The following CHST11 variants were observed in gnomAD, a reference collection of about 807,000 sequenced individuals.
The protein encoded by CHST11 is carbohydrate sulfotransferase 11.
In CHST11, 9 loss-of-function variants were observed where a neutral mutation model predicts 30.4. The observed-to-expected ratio is 0.30, with a 90% CI of 0.18 to 0.52. CHST11 has a LOEUF of 0.52. CHST11 is among the 20% of genes least tolerant of loss of function. The probability of loss-of-function intolerance (pLI) is 0.97; values close to 1 mark genes in which losing one functional copy is unlikely to be tolerated. For missense variants in CHST11, 348 were observed against 460.6 expected (o/e 0.76, Z 2.24); for synonymous variants, 152 against 187.8 (o/e 0.81, Z 1.56).
chr12:104,722,766 G>A (rs1040483688), intron 2 of CHST11, among the ~76,000 whole-genome samples: 2 of 152,054 alleles, frequency 1.3e-5, no homozygotes, highest in Non-Finnish European at 2.9e-5. Context: ...TGATACCTGG[G>A]GGGAGGTGAG....
chr12:104,668,761 G>C (rs987999438), intron 2 of CHST11, among the ~76,000 whole-genome samples: 8 of 152,190 alleles, frequency 5.3e-5, no homozygotes, highest in African/African-American at 1.9e-4. Context: ...CCAGACTCTT[G>C]CTATTTGGAG....
chr12:104,649,351 A>T (rs1364073706), intron 2 of CHST11, among the ~76,000 whole-genome samples: 1 of 152,208 alleles, frequency 6.6e-6, no homozygotes, highest in Non-Finnish European at 1.5e-5. Context: ...TGTACAGGGC[A>T]TTGTATTACA....
intron 1 of CHST11, among the ~76,000 whole-genome samples, chr12:104,535,062 A>G (rs1447247216): frequency 6.6e-6 from 1 of 152,254 alleles, no homozygotes; most frequent in Non-Finnish European, 1.5e-5. Context: ...ATATGGGGTT[A>G]TAAAATCACT....
At chr12:104,725,002 G>T (rs1280303592) in intron 2 of CHST11, among the ~76,000 whole-genome samples, 1 of 152,118 alleles carries the variant, frequency 6.6e-6, no homozygotes, top group Non-Finnish European at 1.5e-5. Context: ...AGTGTGTCTT[G>T]GTGCTTTAGG....
chr12:104,518,585 G>A (rs747520315), intron 1 of CHST11, among the ~76,000 whole-genome samples: 4 of 152,102 alleles, frequency 2.6e-5, no homozygotes, highest in Non-Finnish European at 5.9e-5. Flanking sequence ...ACTTTCCCTC[G>A]CCCTGCATAT....
At chr12:104,610,880 TA>T (rs1449305584) in intron 2 of CHST11, among the ~76,000 whole-genome samples, 1 of 152,228 alleles carries the variant, frequency 6.6e-6, no homozygotes, top group African/African-American at 2.4e-5. Flanking sequence ...ACCTTGTTTA[TA>T]AAACAGGAAT....
chr12:104,743,884 T>C (rs948897575), intron 2 of CHST11, among the ~76,000 whole-genome samples: 1 of 152,196 alleles, frequency 6.6e-6, no homozygotes. Context: ...TCTGCATTCG[T>C]TTGCTAAGGA....
intron 2 of CHST11, among the ~76,000 whole-genome samples, chr12:104,705,288 G>A (rs903250): frequency 0.66 from 100,958 of 152,024 alleles, 35,268 homozygotes; most frequent in African/African-American, 0.88. Context: ...CAAATTCATC[G>A]CTGATTCCCT....
chr12:104,466,622 A>G (rs2037462407), intron 1 of CHST11, among the ~76,000 whole-genome samples: 1 of 152,252 alleles, frequency 6.6e-6, no homozygotes, highest in Non-Finnish European at 1.5e-5. Flanking sequence ...CCTGGGAAAT[A>G]CAGCTTTTCA....
chr12:104,586,187 C>T (rs1160818616), intron 1 of CHST11, among the ~76,000 whole-genome samples: 2 of 152,148 alleles, frequency 1.3e-5, no homozygotes, highest in Non-Finnish European at 2.9e-5. Flanking sequence ...TCCACTGTAC[C>T]ATGGTCATAG....
chr12:104,499,668 G>T (rs914747954), intron 1 of CHST11, among the ~76,000 whole-genome samples: 11 of 152,100 alleles, frequency 7.2e-5, no homozygotes, highest in Non-Finnish European at 1.3e-4. Context: ...GTAGCTCAAC[G>T]CTGGAAGAGT....
intron 2 of CHST11, among the ~76,000 whole-genome samples, chr12:104,675,438 A>G (rs1323562126): frequency 6.6e-6 from 1 of 151,914 alleles, no homozygotes; most frequent in African/African-American, 2.4e-5. Flanking sequence ...TCCAATATTC[A>G]TTTTTCTTAT....
Position 104,757,957 on chromosome 12 carries a change from G to T in CHST11, c.*154G>T. Reference sequence around the variant, plus strand: ...TGAGAATTATTTAAAATCCTTCGTAGGGAAGGACAGCTGTCTTTGCAGGGG... The same window carrying T: ...TGAGAATTATTTAAAATCCTTCGTATGGAAGGACAGCTGTCTTTGCAGGGG... On this transcript the variant is annotated 3_prime_UTR_variant, in exon 3 of 3. Coordinates refer to ENST00000303694, the MANE Select transcript of CHST11 (RefSeq NM_018413.6). This position sits in a 1 kb window ranked among gnomAD's most constrained non-coding sequence, Gnocchi z 6.5. 1.2e-6 allele frequency: 1 copy of T among 826,676 alleles called. No homozygotes were observed. The highest frequency in any genetic ancestry group is 1.8e-6 in the Non-Finnish European group (1 of 546,368). The allele number at this position is 826,676 out of a possible 1,614,324, so 51.2% of individuals were successfully genotyped here.
At chr12:104,488,851 T>C (rs1417997892) in intron 1 of CHST11, among the ~76,000 whole-genome samples, 3 of 152,016 alleles carry the variant, frequency 2.0e-5, no homozygotes, top group African/African-American at 7.2e-5. Flanking sequence ...TACTGCAAAC[T>C]GGGTGGCTCG....
chr12:104,556,654 T>G (rs2038458274), intron 1 of CHST11, among the ~76,000 whole-genome samples: 1 of 152,212 alleles, frequency 6.6e-6, no homozygotes, highest in Non-Finnish European at 1.5e-5. Flanking sequence ...CTTCACACTG[T>G]CTTCCTTCCA....
chr12:104,517,963 G>A (rs567638939), intron 1 of CHST11, among the ~76,000 whole-genome samples: 2 of 152,054 alleles, frequency 1.3e-5, no homozygotes, highest in South Asian at 2.1e-4. Context: ...ATCTAAGGTC[G>A]CTTTGGCAGT....
chr12:104,625,986 G>C (rs528796744), intron 2 of CHST11, among the ~76,000 whole-genome samples: 1 of 152,344 alleles, frequency 6.6e-6, no homozygotes, highest in Admixed American at 6.5e-5. Context: ...AGGTGATCCA[G>C]TCCTTTTCAT....
intron 2 of CHST11, among the ~76,000 whole-genome samples, chr12:104,738,835 T>C (rs774435386): frequency 2.0e-5 from 3 of 152,268 alleles, no homozygotes; most frequent in Admixed American, 6.5e-5. Flanking sequence ...TTAGAATGTG[T>C]GCTTTCTCCC....
intron 1 of CHST11, among the ~76,000 whole-genome samples, chr12:104,583,827 C>G (rs1251723194): frequency 6.6e-6 from 1 of 152,068 alleles, no homozygotes; most frequent in Non-Finnish European, 1.5e-5. Flanking sequence ...AGTCTCCTGC[C>G]TCAGCCTTCT....
Sources: gnomAD v4.1 joint callset for allele counts (sites outside exome capture counted in the v4.1 genomes callset) on GRCh38, gnomAD v4.1.1 for gene constraint, Gnocchi (gnomAD v3.1) non-coding constraint, MANE v1.5 for transcripts, NCBI Gene and HGNC (gene_info 2026-07-23, HGNC 2026-07-21) for gene names.